Variants in FBLN1 observed in about 807,000 individuals in gnomAD.
The protein encoded by FBLN1 is fibulin 1, also known as fibulin-1.
In FBLN1, 34 loss-of-function variants were observed where a neutral mutation model predicts 89.7. The observed-to-expected ratio is 0.38, with a 90% confidence interval of 0.29 to 0.50. The LOEUF (loss-of-function observed/expected upper bound fraction) is 0.50. Ranked by LOEUF, FBLN1 falls within the 20% of genes least tolerant of loss-of-function variation. The probability of loss-of-function intolerance (pLI) is 0.92; values close to 1 mark genes in which losing one functional copy is unlikely to be tolerated. For missense variants in FBLN1, 777 were observed against 988.1 expected (o/e 0.79, Z 2.86); for synonymous variants, 393 against 391.3 (o/e 1.00, Z -0.05).
Position 45,563,679 on chromosome 22 carries a change from T to C in FBLN1, c.1698-10832T>C, listed in dbSNP as rs889365872. On this transcript the variant is annotated intron_variant, in intron 14 of 16. Transcript: ENST00000327858. The surrounding 1 kb of genome is among the most constrained non-coding windows in gnomAD (Gnocchi z 5.7). ...CCTCTCGTTTTACAGATGTGGAAACTGAGGCCCAGAGAGAAGGGGAAGGGT... is the reference window on the plus strand; with the variant it reads ...CCTCTCGTTTTACAGATGTGGAAACCGAGGCCCAGAGAGAAGGGGAAGGGT... Among the ~76,000 whole-genome samples, 1 of 152,206 alleles carries C rather than the reference T, an allele frequency of 6.6e-6. No homozygotes were observed. Among genetic ancestry groups the C allele is most frequent in the Non-Finnish European group, 1.5e-5 (1 of 68,038 alleles).
At chr22:45,515,157 C>T (rs947194904) in intron 1 of FBLN1, among the ~76,000 whole-genome samples, 15 of 152,188 alleles carry the variant, frequency 9.9e-5, no homozygotes, top group South Asian at 2.1e-4. Context: ...GGTCAGGGCC[C>T]GGCAATTGAT....
chr22:45,551,987 C>A (rs957610516), intron 14 of FBLN1, among the ~76,000 whole-genome samples: 5 of 152,018 alleles, frequency 3.3e-5, no homozygotes, highest in African/African-American at 1.2e-4. Flanking sequence ...TGAGGGTGGG[C>A]GGGTTGGCCA....
chr22:45,599,331 A>C (rs1371682770), intron 16 of FBLN1, among the ~76,000 whole-genome samples: 1 of 152,138 alleles, frequency 6.6e-6, no homozygotes, highest in African/African-American at 2.4e-5. Context: ...CTGTCACTCC[A>C]GCCACCTCTT....
At position 45,530,866 on chromosome 22, in the gene FBLN1, C is replaced by T. The variant is rs1266484705; in HGVS notation, c.485-399C>T. The stretch of plus-strand genomic sequence containing the variant: ...GCAACCTCCGACTCCTGAGTTCAAG[C>T]GATTATCCTGCCTCAACTTCCTGAG... On this transcript the variant is annotated intron_variant, in intron 4 of 16. Coordinates refer to ENST00000327858, the MANE Select transcript of FBLN1 (RefSeq NM_006486.3). The surrounding 1 kb of genome is among the most constrained non-coding windows in gnomAD (Gnocchi z 5.4). 6.6e-6 allele frequency among the ~76,000 whole-genome samples: 1 copy of T among 152,012 alleles called. No individual in the cohort carries two copies. The highest frequency in any genetic ancestry group is 1.5e-5 in the Non-Finnish European group (1 of 68,008).
At position 45,583,916 on chromosome 22, in the gene FBLN1, G is replaced by A. The variant is rs1188255495; in HGVS notation, c.1972+6808G>A. Among the ~76,000 whole-genome samples, 1 of 152,194 alleles carries A rather than the reference G, an allele frequency of 6.6e-6. No individual in the cohort carries two copies. Among genetic ancestry groups the A allele is most frequent in the East Asian group, 1.9e-4 (1 of 5,192 alleles). ...CTAACTGGGGGGCTTGGAGCAGGCAGGAGTTCCCTGAGGTCATGCGGTGGC... is the reference window on the plus strand; with the variant it reads ...CTAACTGGGGGGCTTGGAGCAGGCAAGAGTTCCCTGAGGTCATGCGGTGGC... On this transcript the variant is annotated intron_variant, in intron 16 of 16. Coordinates refer to ENST00000327858, the MANE Select transcript of FBLN1 (RefSeq NM_006486.3). The surrounding 1 kb of genome is among the most constrained non-coding windows in gnomAD (Gnocchi z 4.5).
At chr22:45,520,627 C>G (rs937140249) in intron 2 of FBLN1, among the ~76,000 whole-genome samples, 2 of 152,166 alleles carry the variant, frequency 1.3e-5, no homozygotes, top group African/African-American at 4.8e-5. Context: ...GGAGCCACTA[C>G]TATTAATACT....
At chr22:45,546,921 C>T (rs1356688570) in intron 11 of FBLN1, among the ~76,000 whole-genome samples, 164 bp from the exon 12 acceptor site, 1 of 152,146 alleles carries the variant, frequency 6.6e-6, no homozygotes, top group Non-Finnish European at 1.5e-5. Context: ...GAGCCACCAG[C>T]GATGACGCCT....
At chr22:45,592,397 G>T (rs1371589307) in intron 16 of FBLN1, among the ~76,000 whole-genome samples, 1 of 152,118 alleles carries the variant, frequency 6.6e-6, no homozygotes, top group African/African-American at 2.4e-5. Context: ...CGTGATCTCG[G>T]CTCACTGCAA....
At chr22:45,505,299 T>A in intron 1 of FBLN1, among the ~76,000 whole-genome samples, 1 of 152,050 alleles carries the variant, frequency 6.6e-6, no homozygotes, top group Admixed American at 6.6e-5. Flanking sequence ...TAAAAGAAAG[T>A]TGGGAGGGAG....
Position 45,563,080 on chromosome 22 carries a change from C to T in FBLN1, c.1698-11431C>T, listed in dbSNP as rs377685558. The T allele has an allele frequency of 3.9e-5, 63 of 1,613,324 alleles. No individual in the cohort carries two copies. Among genetic ancestry groups the T allele is most frequent in the Admixed American group, 8.3e-5 (5 of 59,994 alleles). On this transcript the variant is annotated intron_variant, in intron 14 of 16. Coordinates refer to ENST00000327858, the MANE Select transcript of FBLN1 (RefSeq NM_006486.3). The surrounding 1 kb of genome is among the most constrained non-coding windows in gnomAD (Gnocchi z 5.7). The stretch of plus-strand genomic sequence containing the variant: ...GGGACAGCATGCAGCTGGCCATCAC[C>T]GGCGGCAATGAGGAGGGCTTTTTCA...
Position 45,577,265 on chromosome 22 carries a change from G to A in FBLN1, c.1972+157G>A, listed in dbSNP as rs531239210. The stretch of plus-strand genomic sequence containing the variant: ...GCCGAGGCCACCACAGCTCCCAATC[G>A]GTCTCGGCCGGAGGAACAGCCAGAG... On this transcript the variant is annotated intron_variant, in intron 16 of 16. Coordinates refer to ENST00000327858, the MANE Select transcript of FBLN1 (RefSeq NM_006486.3). The surrounding 1 kb of genome is among the most constrained non-coding windows in gnomAD (Gnocchi z 6.6). Among the ~76,000 whole-genome samples, 4 of 152,100 alleles carry A rather than the reference G, an allele frequency of 2.6e-5. No individual in the cohort carries two copies. The highest frequency in any genetic ancestry group is 1.9e-4 in the East Asian group (1 of 5,160).
chr22:45,520,942 A>G (rs2088241875), intron 2 of FBLN1, among the ~76,000 whole-genome samples: 1 of 152,050 alleles, frequency 6.6e-6, no homozygotes, highest in African/African-American at 2.4e-5. Context: ...CAGCCTCTCG[A>G]GTACCTGAGA....
intron 14 of FBLN1, among the ~76,000 whole-genome samples, chr22:45,554,144 A>G (rs1381501568): frequency 6.6e-6 from 1 of 152,246 alleles, no homozygotes; most frequent in Non-Finnish European, 1.5e-5. Flanking sequence ...CAGCCAGTAG[A>G]GCGGGAGGAC....
chr22:45,589,552 TGGCCCTGCAGCA>T (rs2089118282), intron 16 of FBLN1, among the ~76,000 whole-genome samples: 1 of 152,206 alleles, frequency 6.6e-6, no homozygotes, highest in Non-Finnish European at 1.5e-5. Context: ...CTCTGTGCCA[TGGCCCTGCAGCA>T]GGGGGCCCCT....
At chr22:45,511,919 A>G (rs1158783704) in intron 1 of FBLN1, among the ~76,000 whole-genome samples, 1 of 152,162 alleles carries the variant, frequency 6.6e-6, no homozygotes, top group Non-Finnish European at 1.5e-5. Flanking sequence ...TATATCTAAT[A>G]TTATGCTTTG....
intron 3 of FBLN1, among the ~76,000 whole-genome samples, chr22:45,527,149 A>C (rs2088340143): frequency 6.6e-6 from 1 of 152,194 alleles, no homozygotes; most frequent in Non-Finnish European, 1.5e-5. Flanking sequence ...GGGACTGTTT[A>C]GAAAGTTCTG....
At position 45,574,669 on chromosome 22, in the gene FBLN1, G is replaced by A. The variant is rs762263993; in HGVS notation, c.1840+16G>A. ...CGCCCTGAAGGTGAGTGGGATGGGT[G>A]TGGGGGTCCCAGGGCCCCCTAGGGC... On this transcript the variant is annotated intron_variant, in intron 15 of 16. Transcript: ENST00000327858. This position sits in a 1 kb window ranked among gnomAD's most constrained non-coding sequence, Gnocchi z 4.1. The A allele has an allele frequency of 9.3e-6, 15 of 1,611,622 alleles. No individual in the cohort carries two copies. Among genetic ancestry groups the A allele is most frequent in the South Asian group, 4.4e-5 (4 of 90,612 alleles).
At chr22:45,587,083 G>T (rs1158321571) in intron 16 of FBLN1, among the ~76,000 whole-genome samples, 3 of 152,166 alleles carry the variant, frequency 2.0e-5, no homozygotes, top group Non-Finnish European at 4.4e-5. Context: ...GGGATGTGAG[G>T]TTCACGAGCA....
In FBLN1 at chr22:45,577,571, G is replaced by T. The variant is rs982937098; in HGVS notation, c.1972+463G>T. Reference sequence around the variant, plus strand: ...CCTGAGCTCTGGTCTCTCAGCCTTGGAACTAGCTGGATTCGCCATGTGGCC... The same window carrying T: ...CCTGAGCTCTGGTCTCTCAGCCTTGTAACTAGCTGGATTCGCCATGTGGCC... On this transcript the variant is annotated intron_variant, in intron 16 of 16. Coordinates refer to ENST00000327858, the MANE Select transcript of FBLN1 (RefSeq NM_006486.3). This position sits in a 1 kb window ranked among gnomAD's most constrained non-coding sequence, Gnocchi z 6.6. 2.0e-5 allele frequency among the ~76,000 whole-genome samples: 3 copies of T among 152,218 alleles called. No individual in the cohort carries two copies. The highest frequency in any genetic ancestry group is 4.4e-5 in the Non-Finnish European group (3 of 68,044).
Sources: allele counts gnomAD v4.1 joint callset (sites outside exome capture counted in the v4.1 genomes callset), GRCh38; gene constraint gnomAD v4.1.1; non-coding constraint Gnocchi (gnomAD v3.1); transcripts MANE v1.5; gene names NCBI Gene and HGNC (gene_info 2026-07-23, HGNC 2026-07-21).